The following RGS10 variants were observed in gnomAD, a reference collection of about 807,000 sequenced individuals.
RGS10 encodes regulator of G-protein signalling 10.
In RGS10, 11 loss-of-function variants were observed where a neutral mutation model predicts 23.5. That is an observed-to-expected ratio of 0.47 (90% CI 0.29 to 0.77). The LOEUF (loss-of-function observed/expected upper bound fraction) is 0.77, where lower values mean the gene tolerates loss of function less well. Among genes scored for constraint, RGS10 ranks in the 30% least tolerant of loss-of-function variants. The pLI is 0.08. For missense variants in RGS10, 180 were observed against 226.3 expected, an observed-to-expected ratio of 0.80 and a Z score of 1.31; for synonymous variants, 77 against 83.2, an observed-to-expected ratio of 0.92 and a Z score of 0.41.
Position 119,527,287 on chromosome 10 carries a change from A to C in RGS10, c.168+19T>G, listed in dbSNP as rs757545173. On this transcript the variant is annotated intron_variant, in intron 2 of 4. Transcript: ENST00000369103. The surrounding 1 kb of genome is among the most constrained non-coding windows in gnomAD (Gnocchi z 4.2). Reference sequence around the variant, plus strand: ...TGCACACACTGCATCCATCCCGATTAACAATGAAAAAGACAAACCCTAAAT... The same window carrying C: ...TGCACACACTGCATCCATCCCGATTCACAATGAAAAAGACAAACCCTAAAT... 1.3e-6 allele frequency: 2 copies of C among 1,573,922 alleles called. No individual in the cohort carries two copies. Among genetic ancestry groups the C allele is most frequent in the Admixed American group, 3.3e-5 (2 of 59,794 alleles).
chr10:119,521,455 A>C (rs1177130264), intron 3 of RGS10, among the ~76,000 whole-genome samples: 1 of 151,938 alleles, frequency 6.6e-6, no homozygotes, highest in Admixed American at 6.6e-5. Context: ...CTGTAATCCC[A>C]GCTACTTGGG....
intron 1 of RGS10, among the ~76,000 whole-genome samples, chr10:119,531,695 C>T (rs1041535233): frequency 2.6e-5 from 4 of 152,144 alleles, no homozygotes; most frequent in African/African-American, 9.7e-5. Context: ...AATGACCTAT[C>T]CAAGGTGATG....
At chr10:119,516,813 G>A (rs1314339894) in intron 3 of RGS10, among the ~76,000 whole-genome samples, 2 of 152,212 alleles carry the variant, frequency 1.3e-5, no homozygotes, top group African/African-American at 4.8e-5. Flanking sequence ...GCAGGCGCAG[G>A]AGCCCTCTCC....
chr10:119,522,679 C>T (rs1231327983), intron 3 of RGS10, among the ~76,000 whole-genome samples: 1 of 147,996 alleles, frequency 6.8e-6, no homozygotes, highest in Admixed American at 6.9e-5. Flanking sequence ...GATCGTGCCA[C>T]TGCACTCTAG....
chr10:119,502,253 G>A (rs556239512), intron 4 of RGS10, among the ~76,000 whole-genome samples: 29 of 152,262 alleles, frequency 1.9e-4, no homozygotes, highest in Non-Finnish European at 2.9e-4. Flanking sequence ...CTAAGCAAGC[G>A]TCACCATCTG....
chr10:119,521,326 T>A (rs1844210086), intron 3 of RGS10, among the ~76,000 whole-genome samples: 1 of 151,896 alleles, frequency 6.6e-6, no homozygotes, highest in South Asian at 2.1e-4. Flanking sequence ...ATCCCAACAC[T>A]TAGGGAGGCC....
chr10:119,503,780 C>T (rs1843978737), intron 4 of RGS10, among the ~76,000 whole-genome samples: 1 of 152,218 alleles, frequency 6.6e-6, no homozygotes, highest in African/African-American at 2.4e-5. Flanking sequence ...TTCACAGGGT[C>T]TCCCCGGTGC....
At chr10:119,515,737 C>T in intron 3 of RGS10, 85 bp from the exon 4 acceptor site, 1 of 1,537,222 alleles carries the variant, frequency 6.5e-7, no homozygotes, top group Non-Finnish European at 8.8e-7. Flanking sequence ...GCCAGGCCCA[C>T]AGGAGCTGCT....
At chr10:119,534,285 AAATAAATAAATAAATAAAT>A (rs1227788868) in intron 1 of RGS10, among the ~76,000 whole-genome samples, 19 of 107,138 alleles carry the variant, frequency 1.8e-4, no homozygotes, top group Non-Finnish European at 3.4e-4. Flanking sequence ...ATAAATAAAT[AAATAAATAAATAAATAAAT>A]AAAAAAGGCC....
intron 1 of RGS10, among the ~76,000 whole-genome samples, chr10:119,536,064 A>G (rs1208388951): frequency 1.3e-5 from 2 of 152,202 alleles, no homozygotes; most frequent in Non-Finnish European, 2.9e-5. Flanking sequence ...ATGGTATCTA[A>G]ATATTACTTA....
At chr10:119,541,576 A>G (rs1434658823) in intron 1 of RGS10, among the ~76,000 whole-genome samples, 1 of 152,148 alleles carries the variant, frequency 6.6e-6, no homozygotes, top group Non-Finnish European at 1.5e-5. Flanking sequence ...TCTCTAAACC[A>G]CAATGTCCCT....
intron 1 of RGS10, among the ~76,000 whole-genome samples, chr10:119,536,732 GA>G (rs1340283087): frequency 6.6e-6 from 1 of 152,094 alleles, no homozygotes; most frequent in Non-Finnish European, 1.5e-5. Flanking sequence ...GCAAAGTCCA[GA>G]AAAAAGAAAA....
At chr10:119,508,061 G>A (rs184118329) in intron 4 of RGS10, among the ~76,000 whole-genome samples, 179 of 152,218 alleles carry the variant, frequency 1.2e-3, no homozygotes, top group African/African-American at 4.0e-3. Flanking sequence ...GCAATGGCAC[G>A]ATCTCGGCTC....
chr10:119,531,886 C>A (rs529659410), intron 1 of RGS10, among the ~76,000 whole-genome samples: 1 of 152,142 alleles, frequency 6.6e-6, no homozygotes, highest in Non-Finnish European at 1.5e-5. Context: ...CCATGAAATA[C>A]GTTAACAATT....
At chr10:119,526,228 G>T in intron 2 of RGS10, 110 bp from the exon 3 acceptor site, 1 of 545,542 alleles carries the variant, frequency 1.8e-6, no homozygotes, top group Non-Finnish European at 3.2e-6. Flanking sequence ...AGAGGAGCAT[G>T]GTTCAGTTAC....
chr10:119,503,493 C>T (rs1455930985), intron 4 of RGS10, among the ~76,000 whole-genome samples: 1 of 152,150 alleles, frequency 6.6e-6, no homozygotes, highest in Admixed American at 6.5e-5. Context: ...GAAGAGAAAT[C>T]GTGCGCTGTG....
intron 4 of RGS10, among the ~76,000 whole-genome samples, chr10:119,514,050 C>T (rs771285668): frequency 7.2e-5 from 11 of 152,352 alleles, no homozygotes; most frequent in Non-Finnish European, 1.0e-4. Flanking sequence ...CAGGCTCAAA[C>T]GGGCAGTCCT....
chr10:119,526,461 AAAATC>A (rs1458040997), intron 2 of RGS10, among the ~76,000 whole-genome samples: 2 of 152,258 alleles, frequency 1.3e-5, no homozygotes, highest in African/African-American at 4.8e-5. Context: ...ACATTCCTCT[AAAATC>A]AGGCTGTTTT....
chr10:119,542,444 C>T (rs902304469), intron 1 of RGS10, 146 bp downstream of exon 1: 48 of 616,702 alleles, frequency 7.8e-5, no homozygotes, highest in African/African-American at 1.9e-5. Flanking sequence ...GGTGCGGTAC[C>T]CAGCGGGGAG....
Sources: allele counts gnomAD v4.1 joint callset (sites outside exome capture counted in the v4.1 genomes callset), GRCh38; gene constraint gnomAD v4.1.1; non-coding constraint Gnocchi (gnomAD v3.1); transcripts MANE v1.5; gene names NCBI Gene and HGNC (gene_info 2026-07-23, HGNC 2026-07-21).